The following DCLK1 variants were observed in gnomAD, a reference collection of about 807,000 sequenced individuals.
DCLK1 encodes the protein serine/threonine-protein kinase DCLK1.
DCLK1 carries 16 observed loss-of-function variants against 86.2 expected under a neutral mutation model. That is an observed-to-expected ratio of 0.19 (90% CI 0.13 to 0.28). DCLK1 has a LOEUF of 0.28. Ranked by LOEUF, DCLK1 falls within the 10% of genes least tolerant of loss-of-function variation. The pLI, the probability that DCLK1 is intolerant of heterozygous loss-of-function variation, is 1.00. For missense variants in DCLK1, 590 were observed against 940.2 expected (o/e 0.63, Z 4.87); for synonymous variants, 369 against 370.5 (o/e 1.00, Z 0.05).
rs368307823 is a variant in DCLK1 at position 36,111,944 on chromosome 13, G to A, written c.648C>T (p.Val216=). The A allele has an allele frequency of 6.2e-6, 10 of 1,614,112 alleles. No homozygotes were observed. The African/African-American group carries it at 9.3e-5, about 15-fold the overall frequency. The change falls in exon 3 of 17, where the codon GTC becomes GTT. Residue 216 remains valine (V), a synonymous_variant. Transcript: ENST00000360631. ...TGATGGCATCGGTGATATCGGTGAG[G>A]ACCTGCTCAAAGGAATGAGCCGTTT... ...NKKTAHSFEQ[V]LTDITDAIKL... is the part of the protein sequence containing the mutation.
intron 5 of DCLK1, among the ~76,000 whole-genome samples, chr13:35,860,711 A>G (rs923097690): frequency 6.6e-6 from 1 of 152,206 alleles, no homozygotes; most frequent in Non-Finnish European, 1.5e-5. Context: ...CAGTCACTGT[A>G]GAATGCACAA....
intron 3 of DCLK1, among the ~76,000 whole-genome samples, chr13:36,014,656 T>C (rs980868022): frequency 5.9e-5 from 9 of 152,178 alleles, no homozygotes; most frequent in African/African-American, 2.2e-4. Context: ...GTAAGTCAGG[T>C]AAACTGATCA....
At chr13:35,779,647 T>C (rs1172525530) in intron 16 of DCLK1, among the ~76,000 whole-genome samples, 1 of 152,182 alleles carries the variant, frequency 6.6e-6, no homozygotes, top group Non-Finnish European at 1.5e-5. Flanking sequence ...GAGTCAATAT[T>C]TAAGACTATA....
chr13:36,118,017 TA>T (rs1401840717), intron 2 of DCLK1, among the ~76,000 whole-genome samples: 3 of 151,780 alleles, frequency 2.0e-5, no homozygotes, highest in Non-Finnish European at 4.4e-5. Context: ...CAGATAAAAA[TA>T]AAATAATAAT....
At chr13:35,850,924 A>G (rs140360033) in intron 6 of DCLK1, 2 of 634,830 alleles carry the variant, frequency 3.2e-6, no homozygotes, top group African/African-American at 3.8e-5. Flanking sequence ...AGGAAAGATA[A>G]TAATAGAGAA....
intron 3 of DCLK1, among the ~76,000 whole-genome samples, chr13:36,006,965 G>C (rs1377226640): frequency 1.3e-5 from 2 of 152,186 alleles, no homozygotes; most frequent in Non-Finnish European, 1.5e-5. Context: ...CCTGTGCTCA[G>C]ATTCATAACA....
chr13:36,084,431 T>C (rs1392058688), intron 3 of DCLK1, among the ~76,000 whole-genome samples: 1 of 152,090 alleles, frequency 6.6e-6, no homozygotes, highest in Non-Finnish European at 1.5e-5. Flanking sequence ...TATAATCTGA[T>C]AAAAAGAAAT....
intron 10 of DCLK1, 152 bp from the exon 11 acceptor site, chr13:35,823,027 C>T: frequency 3.2e-6 from 3 of 927,158 alleles, no homozygotes; most frequent in Non-Finnish European, 4.8e-6. Context: ...CTTTCAAAGG[C>T]TCGAAGGCTG....
At chr13:35,792,566 T>C (rs1468444331) in intron 16 of DCLK1, among the ~76,000 whole-genome samples, 1 of 152,010 alleles carries the variant, frequency 6.6e-6, no homozygotes, top group Admixed American at 6.6e-5. Context: ...GATTTTCAGA[T>C]TGAATATGCT....
At chr13:36,120,660 A>C (rs1188360188) in intron 2 of DCLK1, among the ~76,000 whole-genome samples, 1 of 113,622 alleles carries the variant, frequency 8.8e-6, no homozygotes, top group Non-Finnish European at 1.8e-5. Flanking sequence ...AAGAAAAAAA[A>C]TTCTACAAGT....
intron 3 of DCLK1, among the ~76,000 whole-genome samples, chr13:36,063,291 A>T (rs113634682): frequency 1.8e-4 from 28 of 152,138 alleles, no homozygotes; most frequent in Non-Finnish European, 3.2e-4. Context: ...TTCCTCTCCT[A>T]TCCCAGGGTC....
chr13:36,087,380 A>G (rs1884645726), intron 3 of DCLK1, among the ~76,000 whole-genome samples: 1 of 152,236 alleles, frequency 6.6e-6, no homozygotes, highest in Non-Finnish European at 1.5e-5. Flanking sequence ...ATCTTCAAGC[A>G]CAGGTATTGC....
chr13:35,788,056 G>A, intron 16 of DCLK1: 2 of 728,612 alleles, frequency 2.7e-6, no homozygotes, highest in Non-Finnish European at 2.4e-6. Context: ...ATGAGGGGGT[G>A]TGGCATCTCA....
intron 2 of DCLK1, among the ~76,000 whole-genome samples, chr13:36,114,847 A>G (rs1219447355): frequency 2.0e-5 from 3 of 152,244 alleles, no homozygotes; most frequent in Non-Finnish European, 4.4e-5. Flanking sequence ...GGAAGAATAC[A>G]TAGTTTTGAT....
intron 16 of DCLK1, among the ~76,000 whole-genome samples, chr13:35,783,616 G>A (rs763230862): frequency 3.3e-5 from 5 of 151,996 alleles, no homozygotes; most frequent in African/African-American, 7.2e-5. Context: ...ACGGAGATTC[G>A]CTCTTGCTGC....
chr13:35,826,523 C>CAAAA (rs533243711), intron 10 of DCLK1, among the ~76,000 whole-genome samples: 54 of 19,374 alleles, frequency 2.8e-3, no homozygotes, highest in Non-Finnish European at 3.8e-3. Context: ...AACTCCATCT[C>CAAAA]AAAAAAAAAA....
intron 8 of DCLK1, among the ~76,000 whole-genome samples, chr13:35,830,943 G>A (rs1169056817): frequency 6.6e-6 from 1 of 152,146 alleles, no homozygotes; most frequent in African/African-American, 2.4e-5. Context: ...AATCCTCAGG[G>A]CTGGTGTAGA....
chr13:36,024,130 G>A (rs886283515), intron 3 of DCLK1, among the ~76,000 whole-genome samples: 1 of 151,512 alleles, frequency 6.6e-6, no homozygotes, highest in African/African-American at 2.4e-5. Context: ...TCCTGACCTC[G>A]TGATCCACCC....
intron 3 of DCLK1, among the ~76,000 whole-genome samples, chr13:36,047,148 G>T (rs533477153): frequency 1.3e-5 from 2 of 152,306 alleles, no homozygotes; most frequent in East Asian, 3.9e-4. Flanking sequence ...ACACCTGATA[G>T]AATGGCTACT....
Sources: gnomAD v4.1 joint callset for allele counts (sites outside exome capture counted in the v4.1 genomes callset) on GRCh38, gnomAD v4.1.1 for gene constraint, MANE v1.5 for transcripts, NCBI Gene and HGNC (gene_info 2026-07-23, HGNC 2026-07-21) for gene names.